ADAMTS18: variants seen among roughly 807,000 people sequenced by gnomAD.
ADAMTS18 encodes the protein A disintegrin and metalloproteinase with thrombospondin motifs 18.
In ADAMTS18, 157 loss-of-function variants were observed where a neutral mutation model predicts 165.9. The observed-to-expected ratio is 0.95, with a 90% CI of 0.83 to 1.08. The LOEUF is 1.08. Ranked by LOEUF, ADAMTS18 falls within the 50% of genes least tolerant of loss-of-function variation. The pLI is 0.00. For synonymous variants in ADAMTS18, 782 were observed against 578.2 expected (o/e 1.35, Z -5.06); for missense variants, 2,040 against 1,534.0 (o/e 1.33, Z -5.51).
At chr16:77,303,656 G>A (rs1001085343) in intron 16 of ADAMTS18, among the ~76,000 whole-genome samples, 2 of 152,126 alleles carry the variant, frequency 1.3e-5, no homozygotes, top group Non-Finnish European at 2.9e-5. Flanking sequence ...ACTTTCGGGA[G>A]GGGGAGAAGT....
intron 12 of ADAMTS18, among the ~76,000 whole-genome samples, chr16:77,326,614 T>C (rs1279823008): frequency 6.6e-6 from 1 of 152,132 alleles, no homozygotes; most frequent in East Asian, 1.9e-4. Context: ...AACTCCTCGG[T>C]TCAAGTGATC....
chr16:77,414,774 G>A (rs2057508470), intron 3 of ADAMTS18, among the ~76,000 whole-genome samples: 1 of 152,120 alleles, frequency 6.6e-6, no homozygotes, highest in South Asian at 2.1e-4. Context: ...GCATATGAAG[G>A]TTGAGCAATG....
intron 3 of ADAMTS18, among the ~76,000 whole-genome samples, chr16:77,388,099 A>G (rs914703436): frequency 1.3e-5 from 2 of 152,146 alleles, no homozygotes; most frequent in South Asian, 2.1e-4. Flanking sequence ...TCACCTACTC[A>G]GAAAGCTTTT....
At chr16:77,362,004 C>T in intron 7 of ADAMTS18, 101 bp downstream of exon 7, 1 of 1,304,938 alleles carries the variant, frequency 7.7e-7, no homozygotes, top group Non-Finnish European at 1.1e-6. Flanking sequence ...AATATTATGT[C>T]TGTTTATTAA....
intron 10 of ADAMTS18, among the ~76,000 whole-genome samples, chr16:77,352,742 T>G (rs1159449964): frequency 6.6e-6 from 1 of 152,110 alleles, no homozygotes; most frequent in Non-Finnish European, 1.5e-5. Flanking sequence ...ATAATTTCCA[T>G]GCATTTTTCA....
chr16:77,335,270 T>TAA (rs560255934), intron 12 of ADAMTS18, among the ~76,000 whole-genome samples: 1,394 of 116,568 alleles, frequency 0.012, 22 homozygotes, highest in African/African-American at 0.041. Flanking sequence ...ATGTGAGAGC[T>TAA]AAAAAAAAAA....
chr16:77,336,205 G>A (rs527982392), intron 11 of ADAMTS18, among the ~76,000 whole-genome samples: 1 of 152,108 alleles, frequency 6.6e-6, no homozygotes, highest in Non-Finnish European at 1.5e-5. Flanking sequence ...TAACAGCCAA[G>A]GGAGTCAGTA....
chr16:77,316,259 A>ATTT (rs34042252), intron 16 of ADAMTS18, among the ~76,000 whole-genome samples: 33,826 of 147,178 alleles, frequency 0.23, 4,444 homozygotes, highest in East Asian at 0.59. Flanking sequence ...GCCTGGTTGA[A>ATTT]TTTTTTTTTT....
chr16:77,390,116 G>C (rs986534096), intron 3 of ADAMTS18, among the ~76,000 whole-genome samples: 1 of 152,120 alleles, frequency 6.6e-6, no homozygotes, highest in African/African-American at 2.4e-5. Flanking sequence ...TGGCTGCACT[G>C]TGGAGGATGG....
At chr16:77,356,272 G>C (rs1213401670) in intron 8 of ADAMTS18, among the ~76,000 whole-genome samples, 195 bp from the exon 9 acceptor site, 3 of 152,142 alleles carry the variant, frequency 2.0e-5, no homozygotes, top group Admixed American at 6.5e-5. Context: ...AATGCTGAGG[G>C]CTTTGTTATA....
At chr16:77,362,044 A>C (rs897430356) in intron 7 of ADAMTS18, 61 bp downstream of exon 7, 1 of 1,579,734 alleles carries the variant, frequency 6.3e-7, no homozygotes, top group African/African-American at 1.3e-5. Context: ...TCATCCATAG[A>C]AAGTTTCCAT....
At chr16:77,390,355 C>G (rs1597213817) in intron 3 of ADAMTS18, among the ~76,000 whole-genome samples, 1 of 151,506 alleles carries the variant, frequency 6.6e-6, no homozygotes, top group Admixed American at 6.6e-5. Context: ...CTGTGTAGAT[C>G]AGAGAAGAGC....
At chr16:77,421,668 G>C (rs17621194) in intron 3 of ADAMTS18, among the ~76,000 whole-genome samples, 14,086 of 152,198 alleles carry the variant, frequency 0.093, 801 homozygotes, top group Non-Finnish European at 0.13. Flanking sequence ...ATACTGGGTG[G>C]CTAATATCAC....
intron 12 of ADAMTS18, among the ~76,000 whole-genome samples, chr16:77,328,177 GA>G (rs1403802912): frequency 1.3e-5 from 2 of 151,990 alleles, no homozygotes; most frequent in African/African-American, 4.8e-5. Flanking sequence ...GCAAAAACCA[GA>G]AAGCAAAATA....
chr16:77,416,711 ATACATATACTATGC>A (rs2057534961), intron 3 of ADAMTS18, among the ~76,000 whole-genome samples: 1 of 152,200 alleles, frequency 6.6e-6, no homozygotes, highest in African/African-American at 2.4e-5. Flanking sequence ...GAACAGACTG[ATACATATACTATGC>A]TCAATGTAAA....
At chr16:77,414,563 G>T (rs180883405) in intron 3 of ADAMTS18, among the ~76,000 whole-genome samples, 13 of 151,640 alleles carry the variant, frequency 8.6e-5, no homozygotes, top group Non-Finnish European at 1.9e-4. Context: ...AAATTATATC[G>T]GTTGACTTGC....
intron 17 of ADAMTS18, among the ~76,000 whole-genome samples, chr16:77,299,778 G>A (rs1191980033): frequency 2.0e-5 from 3 of 152,184 alleles, no homozygotes; most frequent in South Asian, 4.1e-4. Flanking sequence ...CCTCTAGTGA[G>A]AGAACCTTTG....
At chr16:77,425,953 G>A (rs144369210) in intron 3 of ADAMTS18, among the ~76,000 whole-genome samples, 98 of 152,224 alleles carry the variant, frequency 6.4e-4, no homozygotes, top group African/African-American at 2.3e-3. Context: ...GGCTGAGGCA[G>A]GAGAATTGCT....
intron 3 of ADAMTS18, among the ~76,000 whole-genome samples, chr16:77,380,155 C>A (rs2057010907): frequency 6.6e-6 from 1 of 152,220 alleles, no homozygotes; most frequent in African/African-American, 2.4e-5. Flanking sequence ...TCACTTTACT[C>A]ACTAACCCAC....
Sources: allele counts gnomAD v4.1 joint callset (sites outside exome capture counted in the v4.1 genomes callset), GRCh38; gene constraint gnomAD v4.1.1; transcripts MANE v1.5; gene names NCBI Gene and HGNC (gene_info 2026-07-23, HGNC 2026-07-21).